Variants in ARID1B observed in about 807,000 individuals in gnomAD.
ARID1B encodes AT-rich interaction domain 1B.
Under a neutral mutation model 212.3 loss-of-function variants are expected in ARID1B, and 30 were observed. That is an observed-to-expected ratio of 0.14 (90% confidence interval 0.11 to 0.19). The LOEUF (loss-of-function observed/expected upper bound fraction) is 0.19, where lower values mean the gene tolerates loss of function less well. Ranked by LOEUF, ARID1B falls within the 10% of genes least tolerant of loss-of-function variation. The probability of loss-of-function intolerance (pLI) is 1.00; values close to 1 mark genes in which losing one functional copy is unlikely to be tolerated. For synonymous variants in ARID1B, 1,402 were observed against 1,301.7 expected, an observed-to-expected ratio of 1.08 and a Z score of -1.66; for missense variants, 2,891 against 3,204.0, an observed-to-expected ratio of 0.90 and a Z score of 2.36.
At chr6:157,067,346 GGT>G (rs747724949) in intron 4 of ARID1B, among the ~76,000 whole-genome samples, 50 of 152,272 alleles carry the variant, frequency 3.3e-4, no homozygotes, top group South Asian at 1.5e-3. Context: ...TGCCAGGCAG[GGT>G]CACTGTGACA....
At chr6:156,932,378 C>T (rs946935799) in intron 3 of ARID1B, among the ~76,000 whole-genome samples, 3 of 143,942 alleles carry the variant, frequency 2.1e-5, no homozygotes, top group African/African-American at 8.1e-5. Context: ...ATTTCCATTG[C>T]CTGGTTCTTG....
intron 4 of ARID1B, among the ~76,000 whole-genome samples, chr6:157,049,488 T>G (rs959097511): frequency 6.6e-6 from 1 of 152,194 alleles, no homozygotes; most frequent in African/African-American, 2.4e-5. Context: ...TTTCTTTTTT[T>G]TCCCCTAGCT....
intron 13 of ARID1B, chr6:157,185,285 G>A (rs1329225252): frequency 6.6e-6 from 1 of 152,340 alleles, no homozygotes; most frequent in Non-Finnish European, 1.5e-5. Context: ...CCTTACTCCA[G>A]TAGATCCGAC....
chr6:156,943,944 A>G (rs890132605), intron 4 of ARID1B: 1 of 152,196 alleles, frequency 6.6e-6, no homozygotes. Flanking sequence ...TTATAAAATA[A>G]TATGTTTTGG....
chr6:156,985,687 C>T (rs529017684), intron 4 of ARID1B: 1 of 152,312 alleles, frequency 6.6e-6, no homozygotes, highest in South Asian at 2.1e-4. Context: ...AACTTTCACA[C>T]ATGTATTGGG....
chr6:157,138,310 A>G (rs992549310), intron 7 of ARID1B, among the ~76,000 whole-genome samples: 1 of 152,128 alleles, frequency 6.6e-6, no homozygotes, highest in African/African-American at 2.4e-5. Flanking sequence ...ACCTTGACTC[A>G]CTGCAACCTC....
chr6:157,131,689 T>C (rs2128581050), intron 6 of ARID1B, among the ~76,000 whole-genome samples: 1 of 152,048 alleles, frequency 6.6e-6, no homozygotes. Context: ...GATGATGTTT[T>C]GTTTTGTTTT....
chr6:156,813,041 T>TAC (rs1491038312), intron 1 of ARID1B, among the ~76,000 whole-genome samples: 3 of 141,530 alleles, frequency 2.1e-5, no homozygotes, highest in African/African-American at 5.1e-5. Flanking sequence ...CATATATATA[T>TAC]ACACATACGT....
rs117305792 is a variant in ARID1B at position 156,863,295 on chromosome 6, C to T, written c.1986+33874C>T. On this transcript the variant is annotated intron_variant, in intron 2 of 19. Coordinates refer to ENST00000636930, the MANE Select transcript of ARID1B (RefSeq NM_001374828.1). ...GAGAAGGAAAGGGGTGGCTTTAAAT[C>T]TATTTAGAGGACTAACGAGGCAGGA... 2.3e-3 allele frequency among the ~76,000 whole-genome samples: 345 copies of T among 152,156 alleles called. 1 individual carries two copies. The highest frequency in any genetic ancestry group is 3.8e-3 in the Non-Finnish European group (256 of 68,016).
chr6:156,844,154 A>G (rs919601117), intron 2 of ARID1B, among the ~76,000 whole-genome samples: 1 of 152,202 alleles, frequency 6.6e-6, no homozygotes, highest in Non-Finnish European at 1.5e-5. Context: ...CTTGCTTCCA[A>G]ATTTTCCTTT....
At chr6:157,004,109 T>C (rs1779066597) in intron 4 of ARID1B, among the ~76,000 whole-genome samples, 1 of 152,128 alleles carries the variant, frequency 6.6e-6, no homozygotes, top group Non-Finnish European at 1.5e-5. Context: ...CTGGCTATAT[T>C]GCCCAGGCTG....
At chr6:157,181,231 T>C (rs1343523759) in intron 12 of ARID1B, 53 bp downstream of exon 12, 100 of 1,584,840 alleles carry the variant, frequency 6.3e-5, no homozygotes, top group Non-Finnish European at 7.1e-5. Context: ...GATAAGTTCT[T>C]ACAGTGGCTT....
At chr6:157,118,450 T>TA (rs1270863517) in intron 6 of ARID1B, among the ~76,000 whole-genome samples, 1 of 152,236 alleles carries the variant, frequency 6.6e-6, no homozygotes, top group African/African-American at 2.4e-5. Context: ...ATCACCCCGG[T>TA]AGGGCATCAG....
At chr6:157,144,015 C>G (rs1490602505) in intron 7 of ARID1B, among the ~76,000 whole-genome samples, 3 of 152,210 alleles carry the variant, frequency 2.0e-5, no homozygotes, top group African/African-American at 4.8e-5. Flanking sequence ...GCATGCTCCC[C>G]CAGGTTGCAG....
chr6:156,905,290 T>C (rs1218260997), intron 3 of ARID1B, among the ~76,000 whole-genome samples: 1 of 98,812 alleles, frequency 1.0e-5, no homozygotes, highest in African/African-American at 5.0e-5. Flanking sequence ...ACAGATTTAT[T>C]ATAAGGAATT....
chr6:157,066,996 C>T (rs1056537727), intron 4 of ARID1B, among the ~76,000 whole-genome samples: 1 of 152,022 alleles, frequency 6.6e-6, no homozygotes, highest in Admixed American at 6.5e-5. Flanking sequence ...GCCCAACCAC[C>T]TCACCCTCTG....
intron 17 of ARID1B, among the ~76,000 whole-genome samples, chr6:157,199,348 G>T (rs1793947170): frequency 6.6e-6 from 1 of 152,018 alleles, no homozygotes; most frequent in South Asian, 2.1e-4. Context: ...AATGAGATAA[G>T]ATGCTAATGA....
rs1230377566 is a variant in ARID1B at position 156,873,358 on chromosome 6, A to G, written c.1987-28018A>G. 3.3e-5 allele frequency among the ~76,000 whole-genome samples: 5 copies of G among 152,258 alleles called. No homozygotes were observed. The South Asian group carries it at 8.3e-4, about 25-fold the overall frequency. ...GTTCAACTGAAGATTCTGACATTTC[A>G]TAAGTTCAAAGTGAATAATTTTTAT... On this transcript the variant is annotated intron_variant, in intron 2 of 19. Transcript: ENST00000636930.
chr6:156,817,995 A>G (rs911751763), intron 1 of ARID1B, among the ~76,000 whole-genome samples: 1 of 151,796 alleles, frequency 6.6e-6, no homozygotes, highest in African/African-American at 2.4e-5. Flanking sequence ...CCTACAGTCT[A>G]CATTCTAATT....
Sources: gnomAD v4.1 joint callset for allele counts (sites outside exome capture counted in the v4.1 genomes callset) on GRCh38, gnomAD v4.1.1 for gene constraint, MANE v1.5 for transcripts, NCBI Gene and HGNC (gene_info 2026-07-23, HGNC 2026-07-21) for gene names.